ADGRB3: variants seen among roughly 807,000 people sequenced by gnomAD.
ADGRB3 encodes the protein brain-specific angiogenesis inhibitor 3.
ADGRB3 carries 37 observed loss-of-function variants against 193.4 expected under a neutral mutation model. The observed-to-expected ratio is 0.19, with a 90% CI of 0.15 to 0.25. The LOEUF is 0.25. Ranked by LOEUF, ADGRB3 falls within the 10% of genes least tolerant of loss-of-function variation. ADGRB3 has a pLI of 1.00. For synonymous variants in ADGRB3, 690 were observed against 644.2 expected (o/e 1.07, Z -1.08); for missense variants, 1,637 against 1,852.9 (o/e 0.88, Z 2.14).
intron 3 of ADGRB3, among the ~76,000 whole-genome samples, chr6:68,838,975 CA>C (rs1339512286): frequency 2.0e-5 from 3 of 151,986 alleles, no homozygotes; most frequent in Non-Finnish European, 4.4e-5. Context: ...AACACAAAAA[CA>C]CAAAAAGAAA....
At chr6:69,342,332 G>A (rs532015201) in intron 26 of ADGRB3, among the ~76,000 whole-genome samples, 99 of 151,932 alleles carry the variant, frequency 6.5e-4, no homozygotes, top group Non-Finnish European at 1.2e-3. Flanking sequence ...TCACTGAAAT[G>A]GCAAATCACA....
intron 3 of ADGRB3, among the ~76,000 whole-genome samples, chr6:68,791,531 C>T (rs900531259): frequency 3.4e-4 from 52 of 152,138 alleles, no homozygotes; most frequent in African/African-American, 1.2e-3. Flanking sequence ...AAATTCGGTG[C>T]TGGTTATTGC....
At chr6:69,363,019 C>A (rs1184179032) in intron 29 of ADGRB3, among the ~76,000 whole-genome samples, 1 of 151,890 alleles carries the variant, frequency 6.6e-6, no homozygotes, top group Non-Finnish European at 1.5e-5. Flanking sequence ...AATGGAACTG[C>A]ATGAAAATAT....
chr6:68,733,420 A>C (rs766678976), intron 3 of ADGRB3, among the ~76,000 whole-genome samples: 30 of 151,838 alleles, frequency 2.0e-4, no homozygotes, highest in Non-Finnish European at 3.8e-4. Context: ...GTTCTCACTT[A>C]TACAGTGTGA....
chr6:69,210,344 C>T (rs986183865), intron 17 of ADGRB3, among the ~76,000 whole-genome samples: 3 of 151,222 alleles, frequency 2.0e-5, no homozygotes, highest in African/African-American at 7.3e-5. Flanking sequence ...GAGGCTAGGC[C>T]AGTCTCTCTT....
chr6:69,053,627 C>G (rs1771461985), intron 15 of ADGRB3, among the ~76,000 whole-genome samples: 1 of 152,138 alleles, frequency 6.6e-6, no homozygotes, highest in African/African-American at 2.4e-5. Context: ...ATGTGCATGT[C>G]CAGCCCAGTT....
intron 10 of ADGRB3, among the ~76,000 whole-genome samples, chr6:68,987,080 T>A (rs1250523244): frequency 6.6e-6 from 1 of 152,098 alleles, no homozygotes. Flanking sequence ...TAAATATGAA[T>A]GACACAGAAA....
rs1405075687 is a variant in ADGRB3 at position 68,863,791 on chromosome 6, A to G, written c.758-66768A>G. Among the ~76,000 whole-genome samples, 3 of 152,176 alleles carry G rather than the reference A, an allele frequency of 2.0e-5. No homozygotes were observed. The East Asian group carries it at 5.8e-4, about 29-fold the overall frequency. ...AATCAGCCTTACTTAGGCTCTCTCA[A>G]TATCCGTTACATTAAATCATGCCTT... On this transcript the variant is annotated intron_variant, in intron 3 of 31. Coordinates refer to ENST00000370598, the MANE Select transcript of ADGRB3 (RefSeq NM_001704.3).
chr6:68,737,777 T>G (rs1274125192), intron 3 of ADGRB3, among the ~76,000 whole-genome samples: 1 of 152,160 alleles, frequency 6.6e-6, no homozygotes, highest in Non-Finnish European at 1.5e-5. Flanking sequence ...AAAAAAAGGT[T>G]AGACTGAAAG....
In ADGRB3 at chr6:69,018,516, T is replaced by C. The variant is rs1314288668; in HGVS notation, c.2107+17T>C. On this transcript the variant is annotated intron_variant, in intron 13 of 31. Transcript: ENST00000370598. ...GAAATGTAGGTAAGAAATAGGATTTTCCCCCAAAATCTTTCTGAAATAAAA... is the reference window on the plus strand; with the variant it reads ...GAAATGTAGGTAAGAAATAGGATTTCCCCCCAAAATCTTTCTGAAATAAAA... 1.3e-6 allele frequency: 2 copies of C among 1,540,408 alleles called. No homozygotes were observed. The highest frequency in any genetic ancestry group is 1.8e-6 in the Non-Finnish European group (2 of 1,121,942).
intron 17 of ADGRB3, among the ~76,000 whole-genome samples, chr6:69,220,044 A>G (rs891529643): frequency 2.0e-5 from 3 of 151,874 alleles, no homozygotes; most frequent in African/African-American, 7.3e-5. Flanking sequence ...TTTTCTCATG[A>G]CAGTTTTTTT....
At chr6:68,855,919 C>T (rs1764975321) in intron 3 of ADGRB3, among the ~76,000 whole-genome samples, 1 of 152,174 alleles carries the variant, frequency 6.6e-6, no homozygotes, top group Non-Finnish European at 1.5e-5. Context: ...ACCCAAATCT[C>T]ATCTTGCAGC....
intron 13 of ADGRB3, among the ~76,000 whole-genome samples, chr6:69,020,415 T>A (rs1246804497): frequency 6.6e-6 from 1 of 152,054 alleles, no homozygotes; most frequent in Non-Finnish European, 1.5e-5. Context: ...TAAATTACAA[T>A]CATTTATTCA....
chr6:68,826,262 G>C (rs1767842149), intron 3 of ADGRB3, among the ~76,000 whole-genome samples: 1 of 152,180 alleles, frequency 6.6e-6, no homozygotes, highest in African/African-American at 2.4e-5. Flanking sequence ...AGAGTATAGA[G>C]AGTGTCGGTA....
chr6:68,890,316 G>A (rs543853306), intron 3 of ADGRB3, among the ~76,000 whole-genome samples: 2 of 152,282 alleles, frequency 1.3e-5, no homozygotes, highest in African/African-American at 4.8e-5. Context: ...TTCAAATACT[G>A]TTGCCCTAAC....
intron 12 of ADGRB3, among the ~76,000 whole-genome samples, chr6:69,015,712 TGG>T (rs1770068545): frequency 6.6e-6 from 1 of 151,998 alleles, no homozygotes; most frequent in Non-Finnish European, 1.5e-5. Flanking sequence ...CTATTGACAT[TGG>T]AAGTTTTTTG....
chr6:69,292,085 C>A (rs1448287734), intron 20 of ADGRB3, among the ~76,000 whole-genome samples: 2 of 152,178 alleles, frequency 1.3e-5, no homozygotes, highest in East Asian at 3.8e-4. Context: ...TACTTGTCAT[C>A]AAACCTCGCA....
At chr6:69,212,474 G>T (rs1765687531) in intron 17 of ADGRB3, among the ~76,000 whole-genome samples, 1 of 151,846 alleles carries the variant, frequency 6.6e-6, no homozygotes, top group Admixed American at 6.6e-5. Context: ...AGATTTTAAG[G>T]TTAAAGATGA....
chr6:69,266,751 A>C (rs558422810), intron 20 of ADGRB3, among the ~76,000 whole-genome samples: 1 of 152,090 alleles, frequency 6.6e-6, no homozygotes, highest in Non-Finnish European at 1.5e-5. Context: ...AAAGAAAATG[A>C]TGTTTATTTG....
Sources: allele counts gnomAD v4.1 joint callset (sites outside exome capture counted in the v4.1 genomes callset), GRCh38; gene constraint gnomAD v4.1.1; transcripts MANE v1.5; gene names NCBI Gene and HGNC (gene_info 2026-07-23, HGNC 2026-07-21).